Variants in RBMS1 observed in about 807,000 individuals in gnomAD.
RBMS1 encodes RNA-binding motif, single-stranded-interacting protein 1.
In RBMS1, 17 loss-of-function variants were observed where a neutral mutation model predicts 62.3. The ratio of observed to expected loss-of-function variants is 0.27; its 90% CI spans 0.19 to 0.41. RBMS1 has a LOEUF of 0.41. Among genes scored for constraint, RBMS1 ranks in the 10% least tolerant of loss-of-function variants. The pLI is 1.00. For synonymous variants in RBMS1, 172 were observed against 170.0 expected, an observed-to-expected ratio of 1.01 and a Z score of -0.09; for missense variants, 334 against 504.5, an observed-to-expected ratio of 0.66 and a Z score of 3.24.
chr2:160,300,873 C>A (rs1689173643), intron 5 of RBMS1, 143 bp from the exon 6 acceptor site: 5 of 921,772 alleles, frequency 5.4e-6, no homozygotes, highest in Non-Finnish European at 7.5e-6. Context: ...AGGGTCTATT[C>A]TACCTTTTAT....
intron 1 of RBMS1, among the ~76,000 whole-genome samples, chr2:160,470,667 C>T (rs1476435576): frequency 6.6e-6 from 1 of 152,088 alleles, no homozygotes; most frequent in African/African-American, 2.4e-5. Flanking sequence ...AGATCTCTCT[C>T]CTGATACCAT....
At chr2:160,295,229 A>T (rs1051729839) in intron 6 of RBMS1, among the ~76,000 whole-genome samples, 1 of 152,208 alleles carries the variant, frequency 6.6e-6, no homozygotes, top group Non-Finnish European at 1.5e-5. Flanking sequence ...AAAGGCCCTC[A>T]AATTAGCAAT....
At chr2:160,301,395 T>G (rs796204655) in intron 5 of RBMS1, among the ~76,000 whole-genome samples, 58 of 152,324 alleles carry the variant, frequency 3.8e-4, no homozygotes, top group African/African-American at 1.3e-3. Flanking sequence ...TTCAAATCAT[T>G]TTTCTTTAAT....
chr2:160,409,924 T>C (rs1695955692), intron 1 of RBMS1, among the ~76,000 whole-genome samples: 1 of 152,042 alleles, frequency 6.6e-6, no homozygotes, highest in South Asian at 2.1e-4. Flanking sequence ...CTAAGAATAC[T>C]AAAAGAATGT....
At chr2:160,463,944 G>T (rs921004837) in intron 1 of RBMS1, among the ~76,000 whole-genome samples, 5 of 152,180 alleles carry the variant, frequency 3.3e-5, no homozygotes, top group Non-Finnish European at 5.9e-5. Flanking sequence ...TTTGAATTTT[G>T]TGAAATTAAA....
chr2:160,371,965 T>G (rs1693748032), intron 1 of RBMS1, among the ~76,000 whole-genome samples: 1 of 152,210 alleles, frequency 6.6e-6, no homozygotes, highest in Admixed American at 6.5e-5. Flanking sequence ...TAGTCTCTCC[T>G]CTATGAATAC....
chr2:160,393,022 G>A (rs1439523601), intron 1 of RBMS1, among the ~76,000 whole-genome samples: 7 of 152,220 alleles, frequency 4.6e-5, no homozygotes, highest in Admixed American at 6.5e-5. Flanking sequence ...AACCAAACTC[G>A]GCAATGAATT....
At chr2:160,394,572 T>A (rs527430643) in intron 1 of RBMS1, among the ~76,000 whole-genome samples, 2 of 152,168 alleles carry the variant, frequency 1.3e-5, no homozygotes, top group East Asian at 3.9e-4. Flanking sequence ...ATAAAACAGG[T>A]GGAAAAACTG....
chr2:160,337,268 G>A (rs943700771), intron 2 of RBMS1, among the ~76,000 whole-genome samples: 1 of 151,698 alleles, frequency 6.6e-6, no homozygotes, highest in African/African-American at 2.4e-5. Flanking sequence ...TGAATAGCTG[G>A]GATTATAGGT....
intron 4 of RBMS1, among the ~76,000 whole-genome samples, chr2:160,310,112 TAC>T (rs936035676): frequency 6.6e-6 from 1 of 152,244 alleles, no homozygotes; most frequent in Non-Finnish European, 1.5e-5. Flanking sequence ...TATAATGTAT[TAC>T]ACATCAGTCA....
chr2:160,342,895 G>A (rs2105996487), intron 2 of RBMS1, among the ~76,000 whole-genome samples: 1 of 152,144 alleles, frequency 6.6e-6, no homozygotes, highest in South Asian at 2.1e-4. Flanking sequence ...CTGAGATCAT[G>A]CCATCGCATT....
intron 6 of RBMS1, 23 bp from the exon 7 acceptor site, chr2:160,287,107 A>G (rs1270724619): frequency 1.2e-6 from 2 of 1,613,148 alleles, no homozygotes; most frequent in African/African-American, 1.3e-5. Context: ...AGAAAAATAA[A>G]ATGAAACCAC....
intron 10 of RBMS1, 149 bp downstream of exon 10, chr2:160,281,165 A>G (rs1184551133): frequency 8.9e-5 from 43 of 482,588 alleles, no homozygotes; most frequent in Non-Finnish European, 1.2e-4. Context: ...AAGGATGAGA[A>G]GAAGTTTTAT....
chr2:160,450,034 T>A (rs1683897341), intron 1 of RBMS1, among the ~76,000 whole-genome samples: 1 of 152,082 alleles, frequency 6.6e-6, no homozygotes, highest in Non-Finnish European at 1.5e-5. Context: ...TTTTGCAGAT[T>A]CCTTTCTCAC....
intron 3 of RBMS1, among the ~76,000 whole-genome samples, chr2:160,314,704 G>A (rs1690115163): frequency 6.6e-6 from 1 of 152,154 alleles, no homozygotes; most frequent in African/African-American, 2.4e-5. Flanking sequence ...ATATTACTTG[G>A]AATTGGGCTG....
At chr2:160,450,564 G>GGAA (rs1559566383) in intron 1 of RBMS1, among the ~76,000 whole-genome samples, 3 of 56,582 alleles carry the variant, frequency 5.3e-5, no homozygotes, top group Non-Finnish European at 9.4e-5. Context: ...AATAAAAAAT[G>GGAA]AAAAAAAAAA....
intron 2 of RBMS1, among the ~76,000 whole-genome samples, chr2:160,324,882 G>GTATATATATATATATATATATATATA (rs201492090): frequency 1.2e-4 from 12 of 100,006 alleles, no homozygotes; most frequent in African/African-American, 3.8e-4. Flanking sequence ...GTGTGTGTGT[G>GTATATATATATATATATATATATATA]TATATATATA....
intron 4 of RBMS1, among the ~76,000 whole-genome samples, chr2:160,311,142 C>T (rs1435765272): frequency 6.7e-6 from 1 of 149,612 alleles, no homozygotes; most frequent in African/African-American, 2.5e-5. Context: ...TTGCAGTAAG[C>T]CAAGATTGTG....
chr2:160,461,930 C>T (rs1374542996), intron 1 of RBMS1, among the ~76,000 whole-genome samples: 4 of 152,132 alleles, frequency 2.6e-5, no homozygotes, highest in East Asian at 1.9e-4. Flanking sequence ...TGCAGACTGT[C>T]GAGTAGAATC....
Sources: allele counts gnomAD v4.1 joint callset (sites outside exome capture counted in the v4.1 genomes callset), GRCh38; gene constraint gnomAD v4.1.1; transcripts MANE v1.5; gene names NCBI Gene and HGNC (gene_info 2026-07-23, HGNC 2026-07-21).